LYPLAL1: variants seen among roughly 807,000 people sequenced by gnomAD.
The protein encoded by LYPLAL1 is lysophospholipase like 1, also known as lysophospholipase-like protein 1.
A neutral mutation model predicts 19.7 loss-of-function variants in LYPLAL1; 23 were observed. The ratio of observed to expected loss-of-function variants is 1.17; its 90% confidence interval spans 0.84 to 1.65. LYPLAL1 has a LOEUF of 1.65. Among genes scored for constraint, LYPLAL1 ranks in the 40% most tolerant of loss-of-function variants. The pLI is 0.00. For missense variants in LYPLAL1, 355 were observed against 279.4 expected, an observed-to-expected ratio of 1.27 and a Z score of -1.93; for synonymous variants, 119 against 96.3, an observed-to-expected ratio of 1.24 and a Z score of -1.38.
the LYPLAL1 span, among the ~76,000 whole-genome samples, chr1:219,354,650 G>A: frequency 6.6e-6 from 1 of 152,074 alleles, no homozygotes; most frequent in Non-Finnish European, 1.5e-5. Flanking sequence ...GTAGCTATAG[G>A]AAAACAACGC....
At chr1:219,352,730 G>T in the LYPLAL1 span, among the ~76,000 whole-genome samples, 1 of 152,080 alleles carries the variant, frequency 6.6e-6, no homozygotes, top group African/African-American at 2.4e-5. Context: ...TAGAGACAAA[G>T]TTTCCCCTCA....
chr1:219,435,602 G>A, the LYPLAL1 span, among the ~76,000 whole-genome samples: 14 of 151,926 alleles, frequency 9.2e-5, no homozygotes, highest in Non-Finnish European at 1.2e-4. Context: ...CGAGGCAGGC[G>A]GATCACGAGG....
chr1:219,200,206 C>T (rs1572194882), intron 3 of LYPLAL1: 3 of 257,542 alleles, frequency 1.2e-5, no homozygotes, highest in African/African-American at 2.3e-5. Context: ...TTAGATCAGC[C>T]AAATAAATGG....
chr1:219,372,058 G>T, the LYPLAL1 span, among the ~76,000 whole-genome samples: 1 of 152,118 alleles, frequency 6.6e-6, no homozygotes, highest in African/African-American at 2.4e-5. Flanking sequence ...TGGGGATCTA[G>T]TTCCATGTGA....
At chr1:219,432,119 A>G in the LYPLAL1 span, among the ~76,000 whole-genome samples, 128 of 152,318 alleles carry the variant, frequency 8.4e-4, no homozygotes, top group Non-Finnish European at 1.4e-3. Context: ...GGCTAACTAT[A>G]TTAGTATTCT....
chr1:219,278,351 A>G, the LYPLAL1 span, among the ~76,000 whole-genome samples: 1 of 152,184 alleles, frequency 6.6e-6, no homozygotes, highest in African/African-American at 2.4e-5. Flanking sequence ...GAGAGAGAGA[A>G]AAAAACAATT....
chr1:219,231,969 G>A, the LYPLAL1 span, among the ~76,000 whole-genome samples: 1 of 152,152 alleles, frequency 6.6e-6, no homozygotes, highest in South Asian at 2.1e-4. Flanking sequence ...TTTTTTCTAT[G>A]TTCTCCATGA....
At chr1:219,188,363 A>T (rs994510657) in intron 2 of LYPLAL1, among the ~76,000 whole-genome samples, 20 of 151,858 alleles carry the variant, frequency 1.3e-4, no homozygotes, top group Non-Finnish European at 2.8e-4. Context: ...AGCTCCCCTG[A>T]GAAGGTGACA....
the LYPLAL1 span, among the ~76,000 whole-genome samples, chr1:219,342,829 G>A: frequency 6.6e-6 from 1 of 152,160 alleles, no homozygotes. Context: ...AAGTTGGTTA[G>A]CATTTTAAAG....
chr1:219,395,334 G>A, the LYPLAL1 span, among the ~76,000 whole-genome samples: 5 of 152,210 alleles, frequency 3.3e-5, no homozygotes, highest in South Asian at 2.1e-4. Flanking sequence ...GTGTGAGAGG[G>A]TATCTTATTG....
At chr1:219,230,496 G>A in the LYPLAL1 span, among the ~76,000 whole-genome samples, 1 of 152,208 alleles carries the variant, frequency 6.6e-6, no homozygotes, top group Non-Finnish European at 1.5e-5. Context: ...GAGAAAATTA[G>A]TTTCTGTGGT....
At chr1:219,237,548 G>A in the LYPLAL1 span, among the ~76,000 whole-genome samples, 3 of 152,172 alleles carry the variant, frequency 2.0e-5, no homozygotes, top group African/African-American at 7.2e-5. Flanking sequence ...ACTCCGTTTT[G>A]TATAGAGTTA....
At chr1:219,286,065 A>G in the LYPLAL1 span, among the ~76,000 whole-genome samples, 1 of 152,292 alleles carries the variant, frequency 6.6e-6, no homozygotes, top group Non-Finnish European at 1.5e-5. Context: ...TGCAGGTCCC[A>G]CAGGCAAGCA....
intron 2 of LYPLAL1, among the ~76,000 whole-genome samples, chr1:219,188,616 C>G (rs1362737976): frequency 6.6e-6 from 1 of 151,054 alleles, no homozygotes. Context: ...TATGAATGAA[C>G]TTTCGATTTT....
At position 219,210,525 on chromosome 1, in the gene LYPLAL1, T is replaced by C. The variant is rs940571; in HGVS notation, c.362-7T>C. The C allele has an allele frequency of 0.99, 1,552,648 of 1,563,016 alleles. 771,749 individuals carry two copies. Among genetic ancestry groups the C allele is most frequent in the East Asian group, 1 (44,286 of 44,288 alleles). The stretch of plus-strand genomic sequence containing the variant: ...TATTCTACTTTTAAGTATGTTTTTG[T>C]TTTTAGGAGGATTCTCTATGGGAGG... On this transcript the variant is annotated splice_polypyrimidine_tract_variant and splice_region_variant and intron_variant, in intron 3 of 4. Coordinates refer to ENST00000366928, the MANE Select transcript of LYPLAL1 (RefSeq NM_138794.5).
At chr1:219,373,605 C>T in the LYPLAL1 span, among the ~76,000 whole-genome samples, 32 of 152,040 alleles carry the variant, frequency 2.1e-4, no homozygotes, top group East Asian at 1.9e-4. Flanking sequence ...CTTCAGAAGT[C>T]GCACTCAAAA....
chr1:219,341,953 G>A, the LYPLAL1 span, among the ~76,000 whole-genome samples: 1 of 152,188 alleles, frequency 6.6e-6, no homozygotes, highest in East Asian at 1.9e-4. Context: ...TCAGGCTGGG[G>A]AAGAATAACA....
At chr1:219,381,202 A>C in the LYPLAL1 span, among the ~76,000 whole-genome samples, 1 of 152,002 alleles carries the variant, frequency 6.6e-6, no homozygotes, top group Non-Finnish European at 1.5e-5. Context: ...ATGAGATCCG[A>C]TGGTTTTATA....
chr1:219,284,643 CT>C, the LYPLAL1 span, among the ~76,000 whole-genome samples: 52,313 of 152,066 alleles, frequency 0.34, 9,441 homozygotes, highest in Non-Finnish European at 0.4. Context: ...GTTCTCTGTG[CT>C]TTTTTATGTA....
Sources: allele counts gnomAD v4.1 joint callset (sites outside exome capture counted in the v4.1 genomes callset), GRCh38; gene constraint gnomAD v4.1.1; transcripts MANE v1.5; gene names NCBI Gene and HGNC (gene_info 2026-07-23, HGNC 2026-07-21).